SH3TC1: variants seen among roughly 807,000 people sequenced by gnomAD.
SH3TC1 encodes SH3 domain and tetratricopeptide repeats 1, also known as SH3 domain and tetratricopeptide repeat-containing protein 1.
Under a neutral mutation model 117.3 loss-of-function variants are expected in SH3TC1, and 135 were observed. The observed-to-expected ratio is 1.15, with a 90% CI of 1.00 to 1.33. SH3TC1 has a LOEUF of 1.33. SH3TC1 is among the 40% of genes most tolerant of loss of function. The pLI, the probability that SH3TC1 is intolerant of heterozygous loss-of-function variation, is 0.00. For missense variants in SH3TC1, 2,092 were observed against 1,794.3 expected, an observed-to-expected ratio of 1.17 and a Z score of -3.00; for synonymous variants, 898 against 816.9, an observed-to-expected ratio of 1.10 and a Z score of -1.69.
Position 8,227,050 on chromosome 4 carries a change from A to G in SH3TC1, c.1356A>G (p.Gln452=), listed in dbSNP as rs773925954. ...TLQKVKNVLE[Q]CKTCPGCPQE... ...AGAAGGTGAAGAATGTTCTGGAACA[A>G]TGCAAGACCTGCCCAGGCTGCCCCC... is the stretch of plus-strand genomic sequence containing the variant. The change falls in exon 12 of 18, where the codon CAA becomes CAG. Residue 452 remains glutamine, a synonymous_variant. Coordinates refer to ENST00000245105, the MANE Select transcript of SH3TC1 (RefSeq NM_018986.5). The G allele has an allele frequency of 1.9e-6, 3 of 1,604,028 alleles. No individual in the cohort carries two copies. In the Admixed American group the frequency reaches 5.2e-5, roughly 28 times the overall value.
intron 3 of SH3TC1, 22 bp from the exon 4 acceptor site, chr4:8,212,679 C>A: frequency 6.2e-7 from 1 of 1,612,700 alleles, no homozygotes; most frequent in Non-Finnish European, 8.5e-7. Flanking sequence ...ACCAACTGCC[C>A]AACCTCCGTC....
At chr4:8,216,684 C>G (rs1533504) in intron 6 of SH3TC1, among the ~76,000 whole-genome samples, 96,589 of 151,988 alleles carry the variant, frequency 0.64, 30,965 homozygotes, top group East Asian at 0.74. Context: ...GGGGTCCCAC[C>G]TTTGGCTCCG....
chr4:8,202,761 G>A (rs1216916804), intron 1 of SH3TC1, among the ~76,000 whole-genome samples: 5 of 152,086 alleles, frequency 3.3e-5, no homozygotes, highest in East Asian at 1.9e-4. Flanking sequence ...TTCCCTCCCC[G>A]GCCAGAGCTA....
intron 15 of SH3TC1, 165 bp from the exon 16 acceptor site, chr4:8,236,113 C>T (rs1721789669): frequency 5.7e-6 from 5 of 876,900 alleles, no homozygotes. Context: ...TCTTCAGCCC[C>T]TAGCTTGGGT....
Position 8,227,230 on chromosome 4 carries a change from G to A in SH3TC1, c.1536G>A (p.Lys512=), listed in dbSNP as rs1351289823. ...TGTTCCTGAACGCCCCTGGGTACAA[G>A]GCCAGCTTCCGTGGCCTGTACGATG... is the stretch of plus-strand genomic sequence containing the variant. ...LLLFLNAPGY[K]ASFRGLYDVA... is the part of the protein sequence containing the mutation. The change falls in exon 12 of 18, where the codon AAG becomes AAA. Residue 512 remains lysine, a synonymous_variant. Transcript: ENST00000245105. The A allele has an allele frequency of 7.0e-6, 11 of 1,578,716 alleles. No individual in the cohort carries two copies. In the African/African-American group the frequency reaches 1.2e-4, roughly 17 times the overall value.
chr4:8,186,808 G>A lies in SH3TC1; in HGVS notation c.-57+4598G>A, dbSNP rs1373829877. Among the ~76,000 whole-genome samples the A allele has an allele frequency of 6.6e-6, 1 of 152,000 alleles. No individual in the cohort carries two copies. The highest frequency in any genetic ancestry group is 1.5e-5 in the Non-Finnish European group (1 of 68,008). ...AAAATACAAAAATTAGCTGGGCGTGGTGGCGGGCACCTGTAATCCCAGCTA... is the reference window on the plus strand; with the variant it reads ...AAAATACAAAAATTAGCTGGGCGTGATGGCGGGCACCTGTAATCCCAGCTA... On this transcript the variant is annotated intron_variant, in intron 1 of 16. Transcript: ENST00000508641. The surrounding 1 kb of genome is among the most constrained non-coding windows in gnomAD (Gnocchi z 5.2).
intron 1 of SH3TC1, among the ~76,000 whole-genome samples, chr4:8,202,638 G>A (rs562776765): frequency 2.0e-5 from 3 of 147,438 alleles, no homozygotes; most frequent in South Asian, 4.3e-4. Context: ...GTGGGGTGCC[G>A]GGGCACTTCA....
chr4:8,188,321 C>T (rs1044680858), intron 1 of SH3TC1, among the ~76,000 whole-genome samples: 32 of 152,348 alleles, frequency 2.1e-4, no homozygotes, highest in African/African-American at 5.8e-4. Flanking sequence ...TCATCCATGT[C>T]GGATGCTGAG....
Position 8,240,885 on chromosome 4 carries a change from G to A in SH3TC1, c.3941G>A (p.Arg1314His), listed in dbSNP as rs371711094. Residue 1314 changes from arginine (R) to histidine (H), a missense_variant, in exon 18 of 18, where the codon CGC becomes CAC. Coordinates refer to ENST00000245105, the MANE Select transcript of SH3TC1 (RefSeq NM_018986.5). ...ACCTTCGCCACAGAGCTCAACGTCC[G>A]CAGGGTCAACCTGCCTCCTCTGCCA... is the stretch of plus-strand genomic sequence containing the variant. ...ARTFATELNVRRVNLPPLPLC... is the reference protein window; with the variant it reads ...ARTFATELNVHRVNLPPLPLC... 1.2e-5 allele frequency: 19 copies of A among 1,613,272 alleles called. No individual in the cohort carries two copies. Among genetic ancestry groups the A allele is most frequent in the East Asian group, 8.9e-5 (4 of 44,866 alleles).
At chr4:8,193,395 C>A (rs1036009561) in intron 1 of SH3TC1, among the ~76,000 whole-genome samples, 2 of 152,232 alleles carry the variant, frequency 1.3e-5, no homozygotes, top group Non-Finnish European at 2.9e-5. Context: ...CCTGAAGTGG[C>A]TGTGGGAGCC....
chr4:8,232,659 C>T, intron 13 of SH3TC1: 1 of 1,294,196 alleles, frequency 7.7e-7, no homozygotes, highest in Non-Finnish European at 1.0e-6. Context: ...TCTCCTGGAG[C>T]ATCCTGACCT....
chr4:8,197,316 C>T (rs1197590097), upstream of SH3TC1, among the ~76,000 whole-genome samples: 1 of 152,190 alleles, frequency 6.6e-6, no homozygotes, highest in Non-Finnish European at 1.5e-5. Flanking sequence ...GCCTCCAGAA[C>T]TGTAAGAGAT....
Position 8,192,643 on chromosome 4 carries a change from GC to G in SH3TC1, c.-57+10435del, listed in dbSNP as rs1717452319. On this transcript the variant is annotated intron_variant, in intron 1 of 16. Coordinates refer to the SH3TC1 transcript ENST00000508641. The surrounding 1 kb of genome is among the most constrained non-coding windows in gnomAD (Gnocchi z 4.1). ...TGAGTAGCTGGGATCACAGGCGTGT[GC>G]CACAACGCCCAGCTAATTTTTGTAT... 6.6e-6 allele frequency among the ~76,000 whole-genome samples: 1 copy of G among 152,044 alleles called. No homozygotes were observed. The highest frequency in any genetic ancestry group is 2.4e-5 in the African/African-American group (1 of 41,394).
rs191101357 is a variant in SH3TC1 at position 8,185,423 on chromosome 4, T to C, written c.-57+3213T>C. On this transcript the variant is annotated intron_variant, in intron 1 of 16. Transcript: ENST00000508641. ...GGGAAATGGAGTCATGTATCTGTCA[T>C]CACAGCATCATCCAGAATAGTTTCA... Among the ~76,000 whole-genome samples, 26 of 152,262 alleles carry C rather than the reference T, an allele frequency of 1.7e-4. No homozygotes were observed. In the East Asian group the frequency reaches 3.3e-3, roughly 19 times the overall value.
rs1718849427 is a variant in SH3TC1 at position 8,212,642 on chromosome 4, C to T, written c.248-59C>T. On this transcript the variant is annotated intron_variant, in intron 3 of 17. Transcript: ENST00000245105. ...GGAGGCTGGCAGGTGGAGTACAGTG[C>T]CCCACAGACTTCCCAGCCCAGGTCA... 3.7e-6 allele frequency: 6 copies of T among 1,607,926 alleles called. No homozygotes were observed. In the African/African-American group the frequency reaches 5.3e-5, roughly 14 times the overall value.
intron 1 of SH3TC1, among the ~76,000 whole-genome samples, chr4:8,193,737 G>A (rs1415959719): frequency 6.6e-6 from 1 of 152,198 alleles, no homozygotes; most frequent in East Asian, 1.9e-4. Context: ...GTGGCAGGTG[G>A]GGCTCCAAGC....
chr4:8,228,318 G>A lies in SH3TC1; in HGVS notation c.2624G>A (p.Arg875Lys), dbSNP rs1490936161. The change falls in exon 12 of 18, where the codon AGG becomes AAG. Residue 875 changes from arginine to lysine, a missense_variant. Arg to Lys is a conservative substitution (Grantham distance 26). Transcript: ENST00000245105. ...AACATGGTGGCCGTGGCTCTGAAGA[G>A]GACGGGCCGGACGAGGCAGGCAGCT... The part of the protein sequence containing the change: ...IANMVAVALK[R>K]TGRTRQAAES... The A allele has an allele frequency of 1.2e-6, 2 of 1,612,012 alleles. No homozygotes were observed. Among genetic ancestry groups the A allele is most frequent in the Non-Finnish European group, 8.5e-7 (1 of 1,179,902 alleles).
chr4:8,217,512 G>A (rs1719421237), intron 7 of SH3TC1, among the ~76,000 whole-genome samples: 1 of 152,248 alleles, frequency 6.6e-6, no homozygotes, highest in Non-Finnish European at 1.5e-5. Flanking sequence ...AAGGCACACG[G>A]GACCCACAGA....
At position 8,217,061 on chromosome 4, in the gene SH3TC1, C is replaced by T. The variant is rs759777109; in HGVS notation, c.733C>T (p.Gln245Ter). 6.2e-7 allele frequency: 1 copy of T among 1,612,834 alleles called. No homozygotes were observed. Among genetic ancestry groups the T allele is most frequent in the East Asian group, 2.2e-5 (1 of 44,880 alleles). Residue 245 changes from glutamine (Q) to a stop codon, truncating the protein, a stop_gained, in exon 7 of 18, where the codon CAG becomes TAG. Coordinates refer to ENST00000245105, the MANE Select transcript of SH3TC1 (RefSeq NM_018986.5). LOFTEE classifies it high-confidence loss of function. ...QALRQASGAP[Q>*]GEAAPETDSS... ...CCTCAGGCAGGCTTCGGGGGCACCC[C>T]AGGGAGAGGCGGCCCCGGAAACAGA... is the stretch of plus-strand genomic sequence containing the variant.
Sources: gnomAD v4.1 joint callset for allele counts (sites outside exome capture counted in the v4.1 genomes callset) on GRCh38, gnomAD v4.1.1 for gene constraint, Gnocchi (gnomAD v3.1) non-coding constraint, MANE v1.5 for transcripts, NCBI Gene and HGNC (gene_info 2026-07-23, HGNC 2026-07-21) for gene names.